TLK1: variants seen among roughly 807,000 people sequenced by gnomAD.
TLK1 encodes the protein tousled like kinase 1.
Under a neutral mutation model 105.3 loss-of-function variants are expected in TLK1, and 24 were observed. The observed-to-expected ratio is 0.23, with a 90% CI of 0.17 to 0.32. The LOEUF is 0.32. Ranked by LOEUF, TLK1 falls within the 10% of genes least tolerant of loss-of-function variation. TLK1 has a pLI of 1.00. For synonymous variants in TLK1, 321 were observed against 310.4 expected (o/e 1.03, Z -0.36); for missense variants, 558 against 910.5 (o/e 0.61, Z 4.98).
At chr2:171,161,177 G>GCGCCGGCCGGAGGGAGGCGCGCCCC (rs1366577571), upstream of TLK1, among the ~76,000 whole-genome samples, 2 of 147,808 alleles carry the variant, frequency 1.4e-5, no homozygotes, top group East Asian at 2.0e-4. Context: ...CAGCGTCCCC[G>GCGCCGGCCGGAGGGAGGCGCGCCCC]CGCCGGCCGG....
intron 2 of TLK1, among the ~76,000 whole-genome samples, chr2:171,104,000 A>G (rs1467178998): frequency 6.6e-6 from 1 of 152,226 alleles, no homozygotes; most frequent in African/African-American, 2.4e-5. Flanking sequence ...TCAAGAAAGC[A>G]ATCTCTGGCT....
intron 3 of TLK1, among the ~76,000 whole-genome samples, chr2:171,074,398 C>T (rs1373784222): frequency 6.6e-6 from 1 of 151,968 alleles, no homozygotes; most frequent in Non-Finnish European, 1.5e-5. Context: ...GAGGCCGATG[C>T]AGGCAGATCA....
upstream of TLK1, among the ~76,000 whole-genome samples, chr2:171,161,481 A>G (rs2105617272): frequency 6.6e-6 from 1 of 152,344 alleles, no homozygotes; most frequent in South Asian, 2.1e-4. Flanking sequence ...TATGAAAATA[A>G]ACATGGGTAG....
At chr2:171,055,406 T>G (rs1219326465) in intron 6 of TLK1, among the ~76,000 whole-genome samples, 1 of 151,866 alleles carries the variant, frequency 6.6e-6, no homozygotes, top group Non-Finnish European at 1.5e-5. Flanking sequence ...ATATATTCCC[T>G]GCCCTCATAG....
At chr2:171,035,286 G>T (rs1686268281) in intron 11 of TLK1, among the ~76,000 whole-genome samples, 1 of 151,832 alleles carries the variant, frequency 6.6e-6, no homozygotes, top group Admixed American at 6.6e-5. Flanking sequence ...AGGTTGCGGT[G>T]AGCCGAGATC....
intron 1 of TLK1, among the ~76,000 whole-genome samples, chr2:171,143,283 T>G (rs1361064403): frequency 6.6e-6 from 1 of 151,922 alleles, no homozygotes; most frequent in Non-Finnish European, 1.5e-5. Flanking sequence ...GGTGGGAGGA[T>G]CACTTGAGGT....
intron 2 of TLK1, among the ~76,000 whole-genome samples, chr2:171,099,631 A>G (rs983285207): frequency 7.9e-5 from 12 of 152,228 alleles, no homozygotes; most frequent in Non-Finnish European, 1.5e-4. Context: ...TAACCAACAC[A>G]GTGTGGTATG....
chr2:171,003,090 C>T (rs536281980), intron 18 of TLK1, among the ~76,000 whole-genome samples: 212 of 151,698 alleles, frequency 1.4e-3, no homozygotes, highest in Non-Finnish European at 2.4e-3. Flanking sequence ...CTGGCTAACA[C>T]GGTGAAACCC....
intron 1 of TLK1, among the ~76,000 whole-genome samples, chr2:171,131,871 A>C (rs1391513189): frequency 6.6e-6 from 1 of 152,026 alleles, no homozygotes; most frequent in Non-Finnish European, 1.5e-5. Flanking sequence ...CATTTTATAC[A>C]GTGGTAGCCC....
chr2:171,053,706 G>T (rs1687358401), intron 8 of TLK1, 55 bp downstream of exon 8: 2 of 1,375,336 alleles, frequency 1.5e-6, no homozygotes, highest in South Asian at 2.6e-5. Context: ...TGAACAGTTT[G>T]ACTGTTGCCA....
At chr2:171,221,131 G>A (rs1419412800) in intron 1 of TLK1, among the ~76,000 whole-genome samples, 1 of 152,078 alleles carries the variant, frequency 6.6e-6, no homozygotes, top group Non-Finnish European at 1.5e-5. Context: ...CACATTTCTG[G>A]GAGCAGAGAG....
intron 12 of TLK1, among the ~76,000 whole-genome samples, chr2:171,024,635 T>TA (rs1398652932): frequency 6.6e-6 from 1 of 152,188 alleles, no homozygotes; most frequent in Non-Finnish European, 1.5e-5. Flanking sequence ...TTCTAGGAAT[T>TA]AACTACATGG....
At chr2:171,117,914 T>TAC in intron 1 of TLK1, 57 bp from the exon 2 acceptor site, 1 of 1,202,784 alleles carries the variant, frequency 8.3e-7, no homozygotes, top group Non-Finnish European at 1.2e-6. Context: ...ACTTTATACT[T>TAC]ACACACACAA....
chr2:171,143,677 G>A (rs1691681917), intron 1 of TLK1, among the ~76,000 whole-genome samples: 1 of 151,730 alleles, frequency 6.6e-6, no homozygotes, highest in South Asian at 2.1e-4. Context: ...AAACCCTACA[G>A]TAATCACTAG....
intron 2 of TLK1, among the ~76,000 whole-genome samples, chr2:171,116,011 AT>A (rs1428276522): frequency 1.3e-5 from 2 of 152,212 alleles, no homozygotes; most frequent in Non-Finnish European, 2.9e-5. Context: ...TAGTAGTAAA[AT>A]AGCTTATAAA....
chr2:171,115,073 C>T (rs1390380279), intron 2 of TLK1, among the ~76,000 whole-genome samples: 1 of 151,728 alleles, frequency 6.6e-6, no homozygotes, highest in East Asian at 1.9e-4. Flanking sequence ...AAGGATGGTG[C>T]AATAGTAAAA....
At chr2:171,154,320 G>A (rs540904149) in intron 1 of TLK1, 9 of 152,018 alleles carry the variant, frequency 5.9e-5, no homozygotes, top group African/African-American at 9.7e-5. Context: ...TAATGTCACA[G>A]GAATGACAAT....
intron 1 of TLK1, among the ~76,000 whole-genome samples, chr2:171,122,353 A>C (rs1438457481): frequency 6.6e-6 from 1 of 152,188 alleles, no homozygotes; most frequent in African/African-American, 2.4e-5. Flanking sequence ...GTTAATCCTA[A>C]ACAGTAGAGC....
chr2:170,994,203 C>G (rs187401093), intron 20 of TLK1, among the ~76,000 whole-genome samples: 5 of 152,188 alleles, frequency 3.3e-5, no homozygotes, highest in Non-Finnish European at 7.3e-5. Context: ...TGAACTTATA[C>G]TGGAAAGTTG....
Sources: gnomAD v4.1 joint callset for allele counts (sites outside exome capture counted in the v4.1 genomes callset) on GRCh38, gnomAD v4.1.1 for gene constraint, MANE v1.5 for transcripts, NCBI Gene and HGNC (gene_info 2026-07-23, HGNC 2026-07-21) for gene names.